The following SLC4A4 variants were observed in gnomAD, a reference collection of about 807,000 sequenced individuals.
The protein encoded by SLC4A4 is electrogenic sodium bicarbonate cotransporter 1.
A neutral mutation model predicts 111.5 loss-of-function variants in SLC4A4; 27 were observed. The ratio of observed to expected loss-of-function variants is 0.24; its 90% CI spans 0.18 to 0.33. SLC4A4 has a LOEUF of 0.33. Among genes scored for constraint, SLC4A4 ranks in the 10% least tolerant of loss-of-function variants. The pLI is 1.00. For missense variants in SLC4A4, 909 were observed against 1,315.5 expected, an observed-to-expected ratio of 0.69 and a Z score of 4.78; for synonymous variants, 443 against 463.4, an observed-to-expected ratio of 0.96 and a Z score of 0.57.
chr4:71,358,412 A>G (rs1037520992), intron 6 of SLC4A4, among the ~76,000 whole-genome samples: 2 of 152,134 alleles, frequency 1.3e-5, no homozygotes, highest in East Asian at 1.9e-4. Context: ...ACCGGTTGTC[A>G]TGGAAAAAGG....
intron 13 of SLC4A4, among the ~76,000 whole-genome samples, chr4:71,467,898 T>C (rs1214673905): frequency 5.3e-5 from 8 of 152,068 alleles, no homozygotes; most frequent in African/African-American, 1.4e-4. Flanking sequence ...CATAGTCATA[T>C]TGTTATACAT....
intron 16 of SLC4A4, among the ~76,000 whole-genome samples, chr4:71,530,531 T>C (rs1733827451): frequency 6.6e-6 from 1 of 152,112 alleles, no homozygotes; most frequent in East Asian, 1.9e-4. Context: ...TTAACATTAT[T>C]GTGTATAATT....
chr4:71,403,601 G>A (rs1308845675), intron 7 of SLC4A4, among the ~76,000 whole-genome samples: 1 of 152,094 alleles, frequency 6.6e-6, no homozygotes, highest in Non-Finnish European at 1.5e-5. Context: ...CAAGAGTAGA[G>A]GCCTAAGGCA....
intron 2 of SLC4A4, among the ~76,000 whole-genome samples, chr4:71,101,756 C>A (rs933082940): frequency 6.6e-6 from 1 of 151,986 alleles, no homozygotes; most frequent in African/African-American, 2.4e-5. Flanking sequence ...ACATCCACAC[C>A]AAAAACCCAT....
chr4:71,136,100 T>G (rs930003375), intron 2 of SLC4A4, among the ~76,000 whole-genome samples: 1 of 152,200 alleles, frequency 6.6e-6, no homozygotes, highest in Non-Finnish European at 1.5e-5. Flanking sequence ...GATGGGCAGC[T>G]TTAGAGCCAA....
rs143438815 is a variant in SLC4A4 at position 71,277,844 on chromosome 4, A to C, written c.253+22445A>C. On this transcript the variant is annotated intron_variant, in intron 3 of 25. Coordinates refer to ENST00000264485, the MANE Select transcript of SLC4A4 (RefSeq NM_001098484.3). The stretch of plus-strand genomic sequence containing the variant: ...TTAACAAATAAAACTATATAAATTT[A>C]AGGTGTACAATGTAATGATTTTATA... Among the ~76,000 whole-genome samples the C allele has an allele frequency of 4.4e-3, 664 of 152,252 alleles. 9 individuals are homozygous for C. The highest frequency in any genetic ancestry group is 0.015 in the African/African-American group (638 of 41,532).
rs1443304675 is a variant in SLC4A4 at position 71,440,790 on chromosome 4, C to T, written c.965+17C>T. 1 of 1,613,496 alleles carries T rather than the reference C, an allele frequency of 6.2e-7. No individual in the cohort carries two copies. The highest frequency in any genetic ancestry group is 8.5e-7 in the Non-Finnish European group (1 of 1,179,844). ...GCCCACAAGGTAAGCTGCTCTCCTA[C>T]CTGGGGTCTACAATGTGCTAATAGG... On this transcript the variant is annotated intron_variant, in intron 8 of 25. Coordinates refer to ENST00000264485, the MANE Select transcript of SLC4A4 (RefSeq NM_001098484.3).
intron 7 of SLC4A4, among the ~76,000 whole-genome samples, chr4:71,406,984 A>G (rs1720911457): frequency 6.6e-6 from 1 of 152,160 alleles, no homozygotes; most frequent in Admixed American, 6.5e-5. Flanking sequence ...CATATTGGCA[A>G]ACTGGAGGCA....
chr4:71,147,442 C>T (rs1388488760), intron 2 of SLC4A4, among the ~76,000 whole-genome samples: 1 of 152,072 alleles, frequency 6.6e-6, no homozygotes, highest in African/African-American at 2.4e-5. Flanking sequence ...GAGATGAATT[C>T]CAAAATCAAC....
At chr4:71,428,607 A>G (rs562143466) in intron 7 of SLC4A4, among the ~76,000 whole-genome samples, 164 of 152,172 alleles carry the variant, frequency 1.1e-3, no homozygotes, top group South Asian at 4.1e-3. Flanking sequence ...ATACCCGAAG[A>G]CAATGGAAGG....
intron 13 of SLC4A4, among the ~76,000 whole-genome samples, chr4:71,466,931 A>AAGAGAGAGAGAGAGAGAGAGAGAG (rs61128918): frequency 1.1e-4 from 10 of 94,812 alleles, no homozygotes; most frequent in South Asian, 3.4e-4. Flanking sequence ...ACAAGACGGG[A>AAGAGAGAGAGAGAGAGAGAGAGAG]AGAGAGAGAG....
chr4:71,546,664 A>G, intron 19 of SLC4A4, 136 bp downstream of exon 19: 1 of 799,614 alleles, frequency 1.3e-6, no homozygotes, highest in Non-Finnish European at 2.1e-6. Context: ...TTTGTTCCAG[A>G]AAGGACTAAA....
At chr4:71,426,191 C>A (rs1723116961) in intron 7 of SLC4A4, among the ~76,000 whole-genome samples, 1 of 152,062 alleles carries the variant, frequency 6.6e-6, no homozygotes, top group Non-Finnish European at 1.5e-5. Flanking sequence ...ATGCTGGTCA[C>A]TTGTGTATGA....
At chr4:71,319,358 G>A (rs1051170083) in intron 3 of SLC4A4, among the ~76,000 whole-genome samples, 4 of 151,708 alleles carry the variant, frequency 2.6e-5, no homozygotes, top group African/African-American at 9.7e-5. Flanking sequence ...ACCTCTTTAG[G>A]TCACTTTCAC....
chr4:71,158,132 T>C (rs1047808951), intron 2 of SLC4A4, among the ~76,000 whole-genome samples: 10 of 151,592 alleles, frequency 6.6e-5, no homozygotes, highest in African/African-American at 1.2e-4. Flanking sequence ...TGTGTGTGTG[T>C]GTGTGTGTGT....
chr4:71,241,508 A>C (rs757789211), intron 2 of SLC4A4, among the ~76,000 whole-genome samples: 76 of 152,296 alleles, frequency 5.0e-4, no homozygotes, highest in Admixed American at 3.1e-3. Flanking sequence ...TTTCTAAAAA[A>C]ACTGGGGCCT....
intron 2 of SLC4A4, among the ~76,000 whole-genome samples, chr4:71,179,608 CAAAGAGAATAA>C (rs1442386260): frequency 6.6e-6 from 1 of 151,990 alleles, no homozygotes; most frequent in Non-Finnish European, 1.5e-5. Context: ...ACAATTGCTT[CAAAGAGAATAA>C]AATACCTAGG....
intron 1 of SLC4A4, among the ~76,000 whole-genome samples, chr4:71,203,084 A>G (rs1399405812): frequency 2.0e-5 from 3 of 152,134 alleles, no homozygotes; most frequent in Non-Finnish European, 4.4e-5. Context: ...GTGAATATGG[A>G]TAAAAGATTT....
chr4:71,298,185 A>T (rs1011150365), intron 3 of SLC4A4, among the ~76,000 whole-genome samples: 2 of 152,198 alleles, frequency 1.3e-5, no homozygotes, highest in African/African-American at 4.8e-5. Flanking sequence ...TACAATAAAA[A>T]GTTAGTAATA....
Sources: allele counts gnomAD v4.1 joint callset (sites outside exome capture counted in the v4.1 genomes callset), GRCh38; gene constraint gnomAD v4.1.1; transcripts MANE v1.5; gene names NCBI Gene and HGNC (gene_info 2026-07-23, HGNC 2026-07-21).